The following NLRP12 variants were observed in gnomAD, a reference collection of about 807,000 sequenced individuals.
NLRP12 encodes the protein NLR family pyrin domain containing 12.
NLRP12 carries 108 observed loss-of-function variants against 91.2 expected under a neutral mutation model. That is an observed-to-expected ratio of 1.18 (90% confidence interval 1.01 to 1.39). The LOEUF (loss-of-function observed/expected upper bound fraction) is 1.39, where lower values mean the gene tolerates loss of function less well. Ranked by LOEUF, NLRP12 falls within the 40% of genes most tolerant of loss-of-function variation. The probability of loss-of-function intolerance (pLI) is 0.00; values close to 1 mark genes in which losing one functional copy is unlikely to be tolerated. For missense variants in NLRP12, 1,530 were observed against 1,352.7 expected (o/e 1.13, Z -2.06); for synonymous variants, 613 against 566.7 (o/e 1.08, Z -1.16).
chr19:53,813,870 T>G (rs1233114561), intron 2 of NLRP12, among the ~76,000 whole-genome samples: 1 of 147,700 alleles, frequency 6.8e-6, no homozygotes, highest in Non-Finnish European at 1.5e-5. Flanking sequence ...GATTTTTTGT[T>G]TTTTTTTGTA....
Position 53,801,291 on chromosome 19 carries a change from C to T in NLRP12, c.2692G>A (p.Asp898Asn). 6.2e-7 allele frequency: 1 copy of T among 1,613,902 alleles called. No homozygotes were observed. The highest frequency in any genetic ancestry group is 8.5e-7 in the Non-Finnish European group (1 of 1,179,972). ...ELDLSLNELG[D>N]LGVLLLCEGL... ...TCACACAGCAGCAGCACCCCGAGGT[C>T]CCCCAGCTCATTCAGGCTCAGGTCC... Residue 898 changes from aspartate (D) to asparagine (N), a missense_variant, in exon 7 of 10, where the codon GAC (aspartate) becomes AAC (asparagine). By Grantham distance (23) the Asp-to-Asn change is conservative. Coordinates refer to ENST00000324134, the MANE Select transcript of NLRP12 (RefSeq NM_144687.4).
chr19:53,810,688 A>G lies in NLRP12; in HGVS notation c.971T>C (p.Leu324Pro). 6.2e-7 allele frequency: 1 copy of G among 1,613,918 alleles called. No homozygotes were observed. Among genetic ancestry groups the G allele is most frequent in the Non-Finnish European group, 8.5e-7 (1 of 1,179,894 alleles). The part of the protein sequence containing the change: ...WEEKRPTELL[L>P]NSLIRKKLLP... The stretch of plus-strand genomic sequence containing the variant: ...CAGCTTCTTCCGAATTAAGCTGTTA[A>G]GAAGCAGCTCCGTGGGCCGTTTCTC... The change falls in exon 3 of 10, where the codon CTT (leucine) becomes CCT (proline). Residue 324 changes from leucine (L) to proline (P), a missense_variant. Coordinates refer to ENST00000324134, the MANE Select transcript of NLRP12 (RefSeq NM_144687.4).
At chr19:53,797,563 C>T (rs1358817415) in intron 8 of NLRP12, among the ~76,000 whole-genome samples, 1 of 152,036 alleles carries the variant, frequency 6.6e-6, no homozygotes, top group African/African-American at 2.4e-5. Flanking sequence ...GGATTACAGG[C>T]ATGCGCCACC....
At chr19:53,803,780 G>C in intron 6 of NLRP12, 172 bp downstream of exon 6, 1 of 659,452 alleles carries the variant, frequency 1.5e-6, no homozygotes. Flanking sequence ...CACCGTGTTG[G>C]CCAGGCTGGT....
Position 53,810,193 on chromosome 19 carries a change from TC to T in NLRP12, c.1465del (p.Glu489LysfsTer9). The T allele has an allele frequency of 6.2e-7, 1 of 1,614,168 alleles. No homozygotes were observed. ...QDLRKHGLDGEDVSAFLNMNI... is the reference protein window; with the variant it reads ...QDLRKHGLDGXDVSAFLNMNI... Reference sequence around the variant, plus strand: ...CATGTTGAGGAAGGCAGAGACGTCTTCCCCGTCTAGGCCGTGCTTCCGGAGG... The same window carrying T: ...CATGTTGAGGAAGGCAGAGACGTCTTCCCGTCTAGGCCGTGCTTCCGGAGG... On this transcript the variant is annotated frameshift_variant, in exon 3 of 10. Transcript: ENST00000324134. LOFTEE classifies it high-confidence loss of function.
chr19:53,798,191 C>T (rs774956751), intron 8 of NLRP12, 52 bp downstream of exon 8: 199 of 1,590,566 alleles, frequency 1.3e-4, no homozygotes, highest in Non-Finnish European at 1.6e-4. Context: ...TGAGAAGGCG[C>T]TTCCACTGTC....
At chr19:53,795,069 C>G (rs1165115213) in intron 9 of NLRP12, among the ~76,000 whole-genome samples, 1 of 151,320 alleles carries the variant, frequency 6.6e-6, no homozygotes, top group Non-Finnish European at 1.5e-5. Flanking sequence ...CCCTGAGTAG[C>G]TTTGATTAGA....
chr19:53,808,985 C>CA (rs1338521380), intron 3 of NLRP12, among the ~76,000 whole-genome samples: 2 of 151,864 alleles, frequency 1.3e-5, no homozygotes, highest in Non-Finnish European at 2.9e-5. Flanking sequence ...GCATGAACCT[C>CA]AAGGCCAAGG....
At chr19:53,807,389 G>C in intron 4 of NLRP12, 106 bp downstream of exon 4, 1 of 1,157,396 alleles carries the variant, frequency 8.6e-7, no homozygotes, top group Non-Finnish European at 1.2e-6. Flanking sequence ...TTTTATGGCA[G>C]CCGTAGCCAA....
rs144100614 is a variant in NLRP12 at position 53,801,331 on chromosome 19, C to G, written c.2652G>C (p.Gln884His). 10 of 1,613,800 alleles carry G rather than the reference C, an allele frequency of 6.2e-6. No homozygotes were observed. The African/African-American group carries it at 8.0e-5, about 13-fold the overall frequency. Residue 884 changes from glutamine (Q) to histidine (H), a missense_variant, in exon 7 of 10, where the codon CAG (glutamine) becomes CAC (histidine). Transcript: ENST00000324134. ...DELASTLSVN[Q>H]SLRELDLSLN... Reference sequence around the variant, plus strand: ...GGCTCAGGTCCAGCTCTCTCAGGCTCTGGTTCACACTGAGAGTTGAGGCCA... The same window carrying G: ...GGCTCAGGTCCAGCTCTCTCAGGCTGTGGTTCACACTGAGAGTTGAGGCCA...
chr19:53,814,483 C>G (rs1163566912), intron 2 of NLRP12, among the ~76,000 whole-genome samples: 1 of 152,128 alleles, frequency 6.6e-6, no homozygotes, highest in Non-Finnish European at 1.5e-5. Context: ...CTCTGAGTAG[C>G]TGGGACTACA....
rs575339750 is a variant in NLRP12, at chr19:53,797,146, T to TC, written c.2927+1096dup. Among the ~76,000 whole-genome samples the TC allele has an allele frequency of 3.0e-4, 45 of 152,130 alleles. No homozygotes were observed. In the South Asian group the frequency reaches 7.9e-3, roughly 27 times the overall value. ...ACCAGATTGAATTATTATTTTTTTT[T>TC]CTCGAGATGGAGTCTTTCTCTGGCA... On this transcript the variant is annotated intron_variant, in intron 8 of 9. Transcript: ENST00000324134.
Position 53,801,317 on chromosome 19 carries a change from A to T in NLRP12, c.2666T>A (p.Leu889Gln), listed in dbSNP as rs534132036. Residue 889 changes from leucine to glutamine, a missense_variant, in exon 7 of 10, where the codon CTG becomes CAG. Leu to Gln is a moderately radical substitution (Grantham distance 113, BLOSUM62 -2). Coordinates refer to ENST00000324134, the MANE Select transcript of NLRP12 (RefSeq NM_144687.4). ...TLSVNQSLRE[L>Q]DLSLNELGDL... ...CCCCAGCTCATTCAGGCTCAGGTCC[A>T]GCTCTCTCAGGCTCTGGTTCACACT... 6.8e-6 allele frequency: 11 copies of T among 1,614,074 alleles called. No homozygotes were observed. Among genetic ancestry groups the T allele is most frequent in the Non-Finnish European group, 9.3e-6 (11 of 1,180,010 alleles).
intron 1 of NLRP12, among the ~76,000 whole-genome samples, chr19:53,815,743 GGACTACAGGC>G (rs2092148832): frequency 6.6e-6 from 1 of 151,824 alleles, no homozygotes. Flanking sequence ...TGAGTAGCTG[GGACTACAGGC>G]ATGTGTCACC....
At chr19:53,798,434 G>A in intron 7 of NLRP12, 21 bp from the exon 8 acceptor site, 1 of 1,610,570 alleles carries the variant, frequency 6.2e-7, no homozygotes, top group South Asian at 1.1e-5. Flanking sequence ...AGGATGCTAG[G>A]GCGGAGTGGG....
chr19:53,805,599 C>A, intron 4 of NLRP12, 149 bp from the exon 5 acceptor site: 1 of 787,830 alleles, frequency 1.3e-6, no homozygotes, highest in South Asian at 1.5e-5. Flanking sequence ...CTTACCACAA[C>A]CTCTGCCTCC....
rs763113984 is a variant in NLRP12, at chr19:53,810,852, G to A, written c.807C>T (p.Phe269=). Residue 269 remains phenylalanine, a synonymous_variant, in exon 3 of 10, where the codon TTC becomes TTT. Transcript: ENST00000324134. ...ATECSMQDLI[F]SCWPEPSAPL... Reference sequence around the variant, plus strand: ...GCGCGCTGGGCTCAGGCCAGCAGCTGAAGATGAGGTCTTGCATGCTGCATT... The same window carrying A: ...GCGCGCTGGGCTCAGGCCAGCAGCTAAAGATGAGGTCTTGCATGCTGCATT... 2 of 1,614,068 alleles carry A rather than the reference G, an allele frequency of 1.2e-6. No homozygotes were observed. Among genetic ancestry groups the A allele is most frequent in the Non-Finnish European group, 1.7e-6 (2 of 1,180,020 alleles).
At chr19:53,802,715 A>AG (rs1246849439) in intron 6 of NLRP12, among the ~76,000 whole-genome samples, 1 of 151,998 alleles carries the variant, frequency 6.6e-6, no homozygotes, top group East Asian at 1.9e-4. Context: ...TCAAAAAAAA[A>AG]AAAGAAAACT....
intron 1 of NLRP12, among the ~76,000 whole-genome samples, chr19:53,816,687 T>G (rs1374178507): frequency 1.3e-5 from 2 of 151,764 alleles, no homozygotes; most frequent in African/African-American, 4.8e-5. Flanking sequence ...ACGCAGGTGG[T>G]GGTAAAAATA....
Sources: gnomAD v4.1 joint callset for allele counts (sites outside exome capture counted in the v4.1 genomes callset) on GRCh38, gnomAD v4.1.1 for gene constraint, MANE v1.5 for transcripts, NCBI Gene and HGNC (gene_info 2026-07-23, HGNC 2026-07-21) for gene names.